PTPRM: variants seen among roughly 807,000 people sequenced by gnomAD.
PTPRM encodes the protein receptor-type tyrosine-protein phosphatase mu.
PTPRM carries 47 observed loss-of-function variants against 186.7 expected under a neutral mutation model. The ratio of observed to expected loss-of-function variants is 0.25; its 90% CI spans 0.20 to 0.32. PTPRM has a LOEUF of 0.32. Among genes scored for constraint, PTPRM ranks in the 10% least tolerant of loss-of-function variants. The pLI is 1.00. For missense variants in PTPRM, 1,494 were observed against 1,865.0 expected (o/e 0.80, Z 3.66); for synonymous variants, 668 against 674.9 (o/e 0.99, Z 0.16).
Position 8,190,347 on chromosome 18 carries a change from A to G in PTPRM, c.2300+46568A>G, listed in dbSNP as rs143878060. Among the ~76,000 whole-genome samples the G allele has an allele frequency of 2.6e-3, 395 of 152,202 alleles. 2 individuals are homozygous for G. The highest frequency in any genetic ancestry group is 4.3e-3 in the Non-Finnish European group (291 of 68,006). The stretch of plus-strand genomic sequence containing the variant: ...ATGAGCTTGAGTTTTTACACATTCC[A>G]CATATATGTGAGGTCATGAGGCATT... On this transcript the variant is annotated intron_variant, in intron 14 of 32. Coordinates refer to ENST00000580170, the MANE Select transcript of PTPRM (RefSeq NM_001105244.2).
At position 7,668,929 on chromosome 18, in the gene PTPRM, C is replaced by A. The variant is rs1478582004; in HGVS notation, c.73+101038C>A. 1.3e-5 allele frequency among the ~76,000 whole-genome samples: 2 copies of A among 151,864 alleles called. No individual in the cohort carries two copies. The highest frequency in any genetic ancestry group is 2.1e-4 in the South Asian group (1 of 4,802). ...TGAACAGGGGATCTTTGTCTCTTTT[C>A]CTCAATGACATGTGTCAGATGCCTT... On this transcript the variant is annotated intron_variant, in intron 1 of 32. Coordinates refer to ENST00000580170, the MANE Select transcript of PTPRM (RefSeq NM_001105244.2). The surrounding 1 kb of genome is among the most constrained non-coding windows in gnomAD (Gnocchi z 4.7).
intron 1 of PTPRM, among the ~76,000 whole-genome samples, chr18:7,717,742 C>T (rs1389027150): frequency 9.2e-5 from 14 of 152,318 alleles, no homozygotes; most frequent in East Asian, 1.9e-4. Context: ...TGCTGTGGGG[C>T]TTCATGGAGT....
intron 14 of PTPRM, among the ~76,000 whole-genome samples, chr18:8,184,658 G>A (rs547013965): frequency 6.6e-6 from 1 of 152,284 alleles, no homozygotes; most frequent in East Asian, 1.9e-4. Flanking sequence ...CTATAACACT[G>A]GCCTAAAGCT....
chr18:8,166,719 G>A (rs2093329070), intron 14 of PTPRM, among the ~76,000 whole-genome samples: 1 of 152,126 alleles, frequency 6.6e-6, no homozygotes, highest in African/African-American at 2.4e-5. Context: ...TGACTCTGTA[G>A]CACATATTCT....
intron 1 of PTPRM, among the ~76,000 whole-genome samples, chr18:7,651,084 A>G (rs1238790486): frequency 6.6e-6 from 1 of 151,924 alleles, no homozygotes; most frequent in Non-Finnish European, 1.5e-5. Context: ...GGCTCCTGAC[A>G]TGACAGCTGG....
intron 1 of PTPRM, among the ~76,000 whole-genome samples, chr18:7,660,739 C>T (rs1464805891): frequency 6.6e-6 from 1 of 152,170 alleles, no homozygotes; most frequent in East Asian, 1.9e-4. Flanking sequence ...GTGGCCTTGG[C>T]TGCAGTCAGA....
Position 8,387,072 on chromosome 18 carries a change from C to A in PTPRM, c.4045C>A (p.Pro1349Thr). ...CCGATTGTTGCCTTGTTCTTCGTAG[C>A]CCCAAGATGGATATCGGATGGTGCA... ...RIFRIYNAAR[P>T]QDGYRMVQQF... The change falls in exon 31 of 33, where the codon CCC (proline) becomes ACC (threonine). Residue 1349 changes from proline (P) to threonine (T), a missense_variant and splice_region_variant. By Grantham distance (38) the Pro-to-Thr change is conservative. This residue lies in a region of PTPRM where 1,107 missense variants were observed against 1,350.2 expected (regional missense o/e 0.82). Coordinates refer to ENST00000580170, the MANE Select transcript of PTPRM (RefSeq NM_001105244.2). The A allele has an allele frequency of 6.2e-7, 1 of 1,601,572 alleles. No homozygotes were observed. The highest frequency in any genetic ancestry group is 8.6e-7 in the Non-Finnish European group (1 of 1,168,926).
chr18:8,327,895 G>A (rs1322978546), intron 22 of PTPRM, among the ~76,000 whole-genome samples: 1 of 152,054 alleles, frequency 6.6e-6, no homozygotes, highest in Non-Finnish European at 1.5e-5. Context: ...GTTATAATTT[G>A]TCCATAATTT....
At chr18:7,929,897 G>A (rs74535788) in intron 5 of PTPRM, among the ~76,000 whole-genome samples, 1,882 of 152,224 alleles carry the variant, frequency 0.012, 29 homozygotes, top group African/African-American at 0.042. Context: ...ACCTGTCTGC[G>A]TGTAAACTCA....
rs1555616950 is a variant in PTPRM, at chr18:7,842,947, T to TAGAGAGAGAGAGAG, written c.197-45139_197-45126dup. Among the ~76,000 whole-genome samples the TAGAGAGAGAGAGAG allele has an allele frequency of 1.3e-3, 145 of 112,096 alleles. 2 individuals are homozygous for TAGAGAGAGAGAGAG. In the East Asian group the frequency reaches 0.015, roughly 12 times the overall value. 73.5% of individuals were successfully genotyped at this position (112,096 alleles called of 152,430 possible). A position where few individuals can be genotyped will look rare whatever the true frequency, so the allele number is the denominator to read the frequency against. Reference sequence around the variant, plus strand: ...GTGTGTGTGTATATATATATATATATAGAGAGAGAGAGAGAGAGAGAGAGA... The same window carrying TAGAGAGAGAGAGAG: ...GTGTGTGTGTATATATATATATATATAGAGAGAGAGAGAGAGAGAGAGAGAGAGAGAGAGAGAGA... On this transcript the variant is annotated intron_variant, in intron 2 of 32. Coordinates refer to ENST00000580170, the MANE Select transcript of PTPRM (RefSeq NM_001105244.2).
intron 11 of PTPRM, among the ~76,000 whole-genome samples, chr18:8,090,767 G>C (rs1001386858): frequency 1.3e-5 from 2 of 152,022 alleles, no homozygotes; most frequent in African/African-American, 4.8e-5. Flanking sequence ...GCTAATTTTT[G>C]TATTTTTAGT....
chr18:7,761,638 G>A (rs1427725892), intron 1 of PTPRM, among the ~76,000 whole-genome samples: 2 of 152,104 alleles, frequency 1.3e-5, no homozygotes, highest in African/African-American at 2.4e-5. Flanking sequence ...TGTTCTTCCT[G>A]TTGGCTCTTA....
At chr18:7,981,998 A>G (rs2082579332) in intron 7 of PTPRM, among the ~76,000 whole-genome samples, 1 of 152,192 alleles carries the variant, frequency 6.6e-6, no homozygotes, top group African/African-American at 2.4e-5. Flanking sequence ...CCTAGTGGTG[A>G]GTGAATATGA....
chr18:7,808,866 C>T (rs897354637), intron 2 of PTPRM, among the ~76,000 whole-genome samples: 7 of 152,282 alleles, frequency 4.6e-5, no homozygotes, highest in African/African-American at 9.6e-5. Flanking sequence ...TAATATTCAA[C>T]GTGAATTTGC....
At chr18:8,263,739 C>T (rs2094663332) in intron 19 of PTPRM, among the ~76,000 whole-genome samples, 1 of 152,142 alleles carries the variant, frequency 6.6e-6, no homozygotes, top group Admixed American at 6.5e-5. Flanking sequence ...CTCGAACAAG[C>T]TGTGATGAGC....
At chr18:8,032,925 C>A (rs372832392) in intron 7 of PTPRM, among the ~76,000 whole-genome samples, 1 of 151,812 alleles carries the variant, frequency 6.6e-6, no homozygotes, top group South Asian at 2.1e-4. Flanking sequence ...ACAGATGAAG[C>A]CTTGGAAGTA....
At chr18:7,876,566 G>T (rs2048255026) in intron 2 of PTPRM, among the ~76,000 whole-genome samples, 1 of 152,078 alleles carries the variant, frequency 6.6e-6, no homozygotes, top group African/African-American at 2.4e-5. Context: ...TTTTGCATCT[G>T]CAGTCAGCTG....
chr18:7,602,177 G>A (rs16952198), intron 1 of PTPRM, among the ~76,000 whole-genome samples: 4,571 of 152,290 alleles, frequency 0.03, 78 homozygotes, highest in Middle Eastern at 0.078. Context: ...GACTGCAGGA[G>A]GTGACCTCAA....
chr18:8,301,384 A>C (rs2147921234), intron 20 of PTPRM, among the ~76,000 whole-genome samples: 1 of 151,876 alleles, frequency 6.6e-6, no homozygotes, highest in South Asian at 2.1e-4. Flanking sequence ...CCCTCCTAAT[A>C]CTCTCAACAG....
Sources: gnomAD v4.1 joint callset for allele counts (sites outside exome capture counted in the v4.1 genomes callset) on GRCh38, gnomAD v4.1.1 for gene constraint, gnomAD v4.1.1 regional missense constraint, Gnocchi (gnomAD v3.1) non-coding constraint, MANE v1.5 for transcripts, NCBI Gene and HGNC (gene_info 2026-07-23, HGNC 2026-07-21) for gene names.